The following CABLES1 variants were observed in gnomAD, a reference collection of about 807,000 sequenced individuals.
The protein encoded by CABLES1 is Cdk5 and Abl enzyme substrate 1, also known as CDK5 and ABL1 enzyme substrate 1.
CABLES1 carries 36 observed loss-of-function variants against 57.8 expected under a neutral mutation model. The observed-to-expected ratio is 0.62, with a 90% CI of 0.48 to 0.82. The LOEUF (loss-of-function observed/expected upper bound fraction) is 0.82. Ranked by LOEUF, CABLES1 falls within the 40% of genes least tolerant of loss-of-function variation. The pLI, the probability that CABLES1 is intolerant of heterozygous loss-of-function variation, is 0.00. For missense variants in CABLES1, 767 were observed against 836.6 expected (o/e 0.92, Z 1.03); for synonymous variants, 374 against 363.0 (o/e 1.03, Z -0.35).
At chr18:23,205,690 C>G (rs1048351190) in intron 3 of CABLES1, among the ~76,000 whole-genome samples, 8 of 152,106 alleles carry the variant, frequency 5.3e-5, no homozygotes, top group African/African-American at 1.9e-4. Flanking sequence ...GACCGATATC[C>G]TTATAGAAAG....
chr18:23,206,107 G>A (rs540153335), intron 3 of CABLES1, among the ~76,000 whole-genome samples: 302 of 152,228 alleles, frequency 2.0e-3, no homozygotes, highest in African/African-American at 6.9e-3. Flanking sequence ...CTCTGACTTC[G>A]TGAGCTTTTC....
At chr18:23,218,206 G>T (rs1454437672) in intron 4 of CABLES1, among the ~76,000 whole-genome samples, 1 of 152,200 alleles carries the variant, frequency 6.6e-6, no homozygotes, top group African/African-American at 2.4e-5. Context: ...AACTTTCTGG[G>T]TTTGTTTTCT....
intron 4 of CABLES1, among the ~76,000 whole-genome samples, chr18:23,224,760 G>A (rs570822152): frequency 7.2e-5 from 11 of 151,934 alleles, no homozygotes; most frequent in African/African-American, 2.4e-4. Context: ...TAGTAGAGAC[G>A]GGGTTTCACC....
intron 1 of CABLES1, among the ~76,000 whole-genome samples, chr18:23,173,941 T>TA (rs1227519368): frequency 6.6e-6 from 1 of 152,168 alleles, no homozygotes; most frequent in Non-Finnish European, 1.5e-5. Context: ...CCAGCCTGGG[T>TA]AATAGAGTGA....
At chr18:23,216,354 C>G (rs1344793179) in intron 4 of CABLES1, among the ~76,000 whole-genome samples, 1 of 152,164 alleles carries the variant, frequency 6.6e-6, no homozygotes, top group South Asian at 2.1e-4. Context: ...TTTCCATGAC[C>G]CACACTGGCA....
intron 1 of CABLES1, among the ~76,000 whole-genome samples, chr18:23,157,613 G>T (rs138015409): frequency 5.3e-5 from 8 of 152,256 alleles, no homozygotes; most frequent in African/African-American, 1.9e-4. Context: ...TGCCTTAAAT[G>T]ATGGAATTTA....
chr18:23,223,305 T>C (rs1324087978), intron 4 of CABLES1, among the ~76,000 whole-genome samples: 1 of 151,970 alleles, frequency 6.6e-6, no homozygotes, highest in East Asian at 1.9e-4. Flanking sequence ...TTTGGTTGGG[T>C]GCGGTGGCTC....
intron 4 of CABLES1, among the ~76,000 whole-genome samples, chr18:23,223,257 T>C (rs2047502640): frequency 6.6e-6 from 1 of 152,110 alleles, no homozygotes; most frequent in African/African-American, 2.4e-5. Flanking sequence ...GCAGGACATA[T>C]TCAGATTGCA....
rs79384545 is a variant in CABLES1, at chr18:23,155,883, G to A, written c.845+19276G>A. 48 of 1,613,774 alleles carry A rather than the reference G, an allele frequency of 3.0e-5. No individual in the cohort carries two copies. In the East Asian group the frequency reaches 1.0e-3, roughly 34 times the overall value. ...TAAAATGAGTTTGGAGTGGTCTGAAGCCTCTGCCTCCTTCCTTGAATGCTT... is the reference window on the plus strand; with the variant it reads ...TAAAATGAGTTTGGAGTGGTCTGAAACCTCTGCCTCCTTCCTTGAATGCTT... On this transcript the variant is annotated intron_variant, in intron 1 of 9. Coordinates refer to ENST00000256925, the MANE Select transcript of CABLES1 (RefSeq NM_001100619.3).
At chr18:23,214,435 G>GGGCTT (rs2047427235) in intron 4 of CABLES1, among the ~76,000 whole-genome samples, 4 of 152,074 alleles carry the variant, frequency 2.6e-5, no homozygotes, top group African/African-American at 7.2e-5. Flanking sequence ...CTTGCATCTT[G>GGGCTT]GGCTTGGGTT....
intron 4 of CABLES1, among the ~76,000 whole-genome samples, chr18:23,216,264 C>T (rs2047441126): frequency 6.6e-6 from 1 of 152,178 alleles, no homozygotes; most frequent in South Asian, 2.1e-4. Context: ...ATCACTGATC[C>T]ATCCTTAAGA....
At position 23,135,893 on chromosome 18, in the gene CABLES1, C is replaced by G. The variant is rs1055091554; in HGVS notation, c.131C>G (p.Pro44Arg). 2.8e-6 allele frequency: 3 copies of G among 1,063,336 alleles called. No homozygotes were observed. The highest frequency in any genetic ancestry group is 3.4e-6 in the Non-Finnish European group (3 of 884,438). The allele number at this position is 1,063,336 out of a possible 1,614,324, so 65.9% of individuals were successfully genotyped here. ...CAGCCTCAGCCCGCGGCCGCCGCGC[C>G]GGCCCAGCCGCCGCCCGAACCCCCC... Reference protein sequence around the residue: ...QPQPQPAAAAPAQPPPEPPRK... With the variant: ...QPQPQPAAAARAQPPPEPPRK... The change falls in exon 1 of 10, where the codon CCG becomes CGG. Residue 44 changes from proline to arginine, a missense_variant. Pro to Arg is a moderately radical substitution (Grantham distance 103). Around this residue, in one of 4 missense-constraint regions of CABLES1, gnomAD observed 198 missense variants for 149.7 expected, o/e 1.32. Coordinates refer to ENST00000256925, the MANE Select transcript of CABLES1 (RefSeq NM_001100619.3).
At chr18:23,148,743 G>A (rs1166085498) in intron 1 of CABLES1, among the ~76,000 whole-genome samples, 2 of 152,178 alleles carry the variant, frequency 1.3e-5, no homozygotes, top group East Asian at 3.9e-4. Context: ...CTCACGGTGG[G>A]TGCACTGTGG....
At chr18:23,193,380 C>CG (rs1216641525) in intron 2 of CABLES1, among the ~76,000 whole-genome samples, 2 of 152,010 alleles carry the variant, frequency 1.3e-5, no homozygotes, top group African/African-American at 4.8e-5. Context: ...TTAGTAGAGA[C>CG]GGGGTTTCAC....
In CABLES1 at chr18:23,173,530, T is replaced by C. The variant is rs77991377; in HGVS notation, c.846-15308T>C. ...AGGTCTAAAAACAGTTCTAATCTGT[T>C]GTATATTTTGGGATTTGGTGCTTCA... is the stretch of plus-strand genomic sequence containing the variant. On this transcript the variant is annotated intron_variant, in intron 1 of 9. Coordinates refer to ENST00000256925, the MANE Select transcript of CABLES1 (RefSeq NM_001100619.3). Among the ~76,000 whole-genome samples the C allele has an allele frequency of 2.6e-5, 4 of 152,366 alleles. No individual in the cohort carries two copies. In the East Asian group the frequency reaches 7.7e-4, roughly 29 times the overall value.
At chr18:23,238,525 C>T (rs1158238564) in intron 7 of CABLES1, among the ~76,000 whole-genome samples, 2 of 152,210 alleles carry the variant, frequency 1.3e-5, no homozygotes, top group Admixed American at 6.5e-5. Context: ...TGTATAATTA[C>T]TTTTCTTCCA....
chr18:23,174,546 A>G (rs1394059854), intron 1 of CABLES1, among the ~76,000 whole-genome samples: 2 of 151,342 alleles, frequency 1.3e-5, no homozygotes, highest in African/African-American at 4.9e-5. Context: ...ATCTCAGTTC[A>G]CTGCAAGCTC....
At chr18:23,185,318 C>T (rs1568058642) in intron 1 of CABLES1, among the ~76,000 whole-genome samples, 1 of 152,136 alleles carries the variant, frequency 6.6e-6, no homozygotes, top group Non-Finnish European at 1.5e-5. Flanking sequence ...CTGTGGGACT[C>T]AGCTGGAGTG....
intron 9 of CABLES1, among the ~76,000 whole-genome samples, chr18:23,255,301 A>G (rs961931054): frequency 8.2e-5 from 12 of 146,192 alleles, no homozygotes; most frequent in African/African-American, 2.6e-4. Context: ...AATAAAAGAC[A>G]TGGTTAAGTC....
Sources: gnomAD v4.1 joint callset for allele counts (sites outside exome capture counted in the v4.1 genomes callset) on GRCh38, gnomAD v4.1.1 for gene constraint, gnomAD v4.1.1 regional missense constraint, MANE v1.5 for transcripts, NCBI Gene and HGNC (gene_info 2026-07-23, HGNC 2026-07-21) for gene names.